PDE1A: variants seen among roughly 807,000 people sequenced by gnomAD.
PDE1A encodes the protein dual specificity calcium/calmodulin-dependent 3',5'-cyclic nucleotide phosphodiesterase 1A.
In PDE1A, 35 loss-of-function variants were observed where a neutral mutation model predicts 61.7. That is an observed-to-expected ratio of 0.57 (90% CI 0.43 to 0.75). The LOEUF (loss-of-function observed/expected upper bound fraction) is 0.75. PDE1A is among the 30% of genes least tolerant of loss of function. The pLI is 0.00. For missense variants in PDE1A, 597 were observed against 630.6 expected, an observed-to-expected ratio of 0.95 and a Z score of 0.57; for synonymous variants, 232 against 213.2, an observed-to-expected ratio of 1.09 and a Z score of -0.77.
chr2:182,653,792 T>C, the PDE1A span, among the ~76,000 whole-genome samples: 1 of 152,280 alleles, frequency 6.6e-6, no homozygotes, highest in African/African-American at 2.4e-5. Context: ...CTGGCTCAGA[T>C]ACGAGTCTTA....
chr2:182,568,051 G>A, the PDE1A span, among the ~76,000 whole-genome samples: 3 of 151,770 alleles, frequency 2.0e-5, no homozygotes, highest in Admixed American at 6.6e-5. Flanking sequence ...CACCTGCCTC[G>A]GCCTCCCAAA....
At chr2:182,173,741 TA>T (rs1295538529) in intron 13 of PDE1A, among the ~76,000 whole-genome samples, 43 of 152,080 alleles carry the variant, frequency 2.8e-4, no homozygotes, top group African/African-American at 9.2e-4. Context: ...AATGTACATG[TA>T]TATTCTCTCA....
chr2:182,286,842 T>C (rs975815934), intron 1 of PDE1A, among the ~76,000 whole-genome samples: 1 of 152,154 alleles, frequency 6.6e-6, no homozygotes, highest in Admixed American at 6.6e-5. Context: ...GATGAACAAC[T>C]AGCCATACAT....
At position 182,147,224 on chromosome 2, in the gene PDE1A, A is replaced by T. The variant is rs1240787834; in HGVS notation, c.1517-72T>A. 5.2e-6 allele frequency: 4 copies of T among 774,188 alleles called. No individual in the cohort carries two copies. The African/African-American group carries it at 7.1e-5, about 14-fold the overall frequency. 48.0% of individuals were successfully genotyped at this position (774,188 alleles called of 1,614,324 possible). ...TGGAAAAAACTAATAAGGTTAGGAGACTGAAGAACTTTATAAAATGTTGAA... is the reference window on the plus strand; with the variant it reads ...TGGAAAAAACTAATAAGGTTAGGAGTCTGAAGAACTTTATAAAATGTTGAA... On this transcript the variant is annotated intron_variant, in intron 13 of 13. Transcript: ENST00000409365.
chr2:182,695,547 G>T, the PDE1A span, among the ~76,000 whole-genome samples: 4 of 151,604 alleles, frequency 2.6e-5, no homozygotes, highest in Non-Finnish European at 2.9e-5. Flanking sequence ...GGCGCCTGTA[G>T]TCCCAGCTAC....
the PDE1A span, among the ~76,000 whole-genome samples, chr2:182,547,390 T>C: frequency 6.6e-6 from 1 of 152,244 alleles, no homozygotes; most frequent in Admixed American, 6.5e-5. Flanking sequence ...CCAAAGTTGA[T>C]GTGTTTTAAC....
chr2:182,305,032 T>C (rs1007984050), intron 1 of PDE1A, among the ~76,000 whole-genome samples: 1 of 152,154 alleles, frequency 6.6e-6, no homozygotes, highest in Admixed American at 6.5e-5. Context: ...GCATTACATT[T>C]TTCCCCAGAG....
chr2:182,470,322 T>C (rs1236612555), intron 2 of PDE1A, among the ~76,000 whole-genome samples: 1 of 151,856 alleles, frequency 6.6e-6, no homozygotes, highest in Admixed American at 6.6e-5. Flanking sequence ...CCTGATTAAG[T>C]GCAGCTATGA....
the PDE1A span, among the ~76,000 whole-genome samples, chr2:182,592,556 A>G: frequency 1.3e-5 from 2 of 152,188 alleles, no homozygotes; most frequent in South Asian, 2.1e-4. Context: ...AACTGAGTAA[A>G]AGTATGATTA....
At position 182,234,500 on chromosome 2, in the gene PDE1A, T is replaced by TA; in HGVS notation, c.351-3dup. 6.3e-7 allele frequency: 1 copy of TA among 1,577,100 alleles called. No homozygotes were observed. Among genetic ancestry groups the TA allele is most frequent in the Non-Finnish European group, 8.7e-7 (1 of 1,151,208 alleles). Reference sequence around the variant, plus strand: ...ATATGATATGTTTTTCGGTACATTCTAAAAAAGACAAAAATAAGTGTAAAT... The same window carrying TA: ...ATATGATATGTTTTTCGGTACATTCTAAAAAAAGACAAAAATAAGTGTAAAT... On this transcript the variant is annotated splice_region_variant and splice_polypyrimidine_tract_variant and intron_variant, in intron 3 of 13. Transcript: ENST00000351439.
intron 2 of PDE1A, among the ~76,000 whole-genome samples, chr2:182,498,499 G>T (rs1386678244): frequency 1.3e-5 from 2 of 151,054 alleles, no homozygotes; most frequent in East Asian, 1.9e-4. Flanking sequence ...AATCCAAGAG[G>T]TGCAAACTAA....
chr2:182,190,208 GC>G (rs1355351445), intron 10 of PDE1A, among the ~76,000 whole-genome samples: 2 of 152,148 alleles, frequency 1.3e-5, no homozygotes, highest in African/African-American at 4.8e-5. Context: ...TCTAGATATG[GC>G]CATCAAAGAA....
chr2:182,328,378 A>G (rs533152123), intron 1 of PDE1A, among the ~76,000 whole-genome samples: 1 of 152,352 alleles, frequency 6.6e-6, no homozygotes, highest in South Asian at 2.1e-4. Context: ...TGCCAGAAGA[A>G]TAACATAGAA....
intron 2 of PDE1A, among the ~76,000 whole-genome samples, chr2:182,461,201 C>CTGA (rs1461234321): frequency 6.6e-6 from 1 of 152,036 alleles, no homozygotes; most frequent in Non-Finnish European, 1.5e-5. Context: ...CTATAGGAAT[C>CTGA]TGAAAGGAAT....
intron 13 of PDE1A, among the ~76,000 whole-genome samples, chr2:182,158,327 T>C (rs1300549908): frequency 6.6e-6 from 1 of 152,216 alleles, no homozygotes; most frequent in Non-Finnish European, 1.5e-5. Flanking sequence ...ACAGGTTAAC[T>C]GTCCTGATGG....
intron 2 of PDE1A, among the ~76,000 whole-genome samples, chr2:182,437,889 T>G (rs991456168): frequency 6.6e-6 from 1 of 151,992 alleles, no homozygotes; most frequent in Non-Finnish European, 1.5e-5. Context: ...ATCTTAAATT[T>G]ATGGAGATTC....
the PDE1A span, among the ~76,000 whole-genome samples, chr2:182,620,183 C>A: frequency 1.9e-4 from 29 of 151,602 alleles, no homozygotes; most frequent in Non-Finnish European, 3.7e-4. Context: ...GTATTTATTT[C>A]TTTATTTAAT....
At chr2:182,519,765 C>G (rs1426007891) in intron 2 of PDE1A, among the ~76,000 whole-genome samples, 3 of 151,754 alleles carry the variant, frequency 2.0e-5, no homozygotes, top group African/African-American at 4.8e-5. Flanking sequence ...AAATATCTAC[C>G]TGTAATGGTT....
upstream of PDE1A, among the ~76,000 whole-genome samples, chr2:182,430,006 A>G (rs1181463491): frequency 2.0e-5 from 3 of 152,212 alleles, no homozygotes; most frequent in Non-Finnish European, 2.9e-5. Flanking sequence ...TACAAGTTAT[A>G]TATTTTAATG....
Sources: allele counts gnomAD v4.1 joint callset (sites outside exome capture counted in the v4.1 genomes callset), GRCh38; gene constraint gnomAD v4.1.1; transcripts MANE v1.5; gene names NCBI Gene and HGNC (gene_info 2026-07-23, HGNC 2026-07-21).